EXOC6B: variants seen among roughly 807,000 people sequenced by gnomAD.
EXOC6B encodes exocyst complex component 6B, also known as SEC15 homolog B.
In EXOC6B, 54 loss-of-function variants were observed where a neutral mutation model predicts 113.5. The observed-to-expected ratio is 0.48, with a 90% CI of 0.38 to 0.60. The LOEUF (loss-of-function observed/expected upper bound fraction) is 0.60. Ranked by LOEUF, EXOC6B falls within the 20% of genes least tolerant of loss-of-function variation. The pLI is 0.00. For missense variants in EXOC6B, 797 were observed against 977.5 expected, an observed-to-expected ratio of 0.82 and a Z score of 2.46; for synonymous variants, 357 against 339.0, an observed-to-expected ratio of 1.05 and a Z score of -0.58.
chr2:72,634,899 T>C (rs1488527134), intron 6 of EXOC6B, among the ~76,000 whole-genome samples: 2 of 151,354 alleles, frequency 1.3e-5, no homozygotes, highest in South Asian at 2.1e-4. Flanking sequence ...ATAGAAATCA[T>C]AGGGTGTGAT....
chr2:72,295,940 A>G (rs1686105257), intron 20 of EXOC6B, among the ~76,000 whole-genome samples: 1 of 152,128 alleles, frequency 6.6e-6, no homozygotes, highest in African/African-American at 2.4e-5. Flanking sequence ...TTTTGTAAGG[A>G]GCGTTTCCAG....
Position 72,825,844 on chromosome 2 carries a change from G to A in EXOC6B, c.67C>T (p.Arg23Ter). 1 of 1,613,470 alleles carries A rather than the reference G, an allele frequency of 6.2e-7. No individual in the cohort carries two copies. The highest frequency in any genetic ancestry group is 8.5e-7 in the Non-Finnish European group (1 of 1,179,702). Reference sequence around the variant, plus strand: ...GCCGTGTCAGTGCTCTCGATCTCTCGCAGGATCCGCTCGTGCTCTGCCGCT... The same window carrying A: ...GCCGTGTCAGTGCTCTCGATCTCTCACAGGATCCGCTCGTGCTCTGCCGCT... ...ETAAEHERIL[R>*]EIESTDTACI... Residue 23 changes from arginine (R) to a stop codon, truncating the protein, a stop_gained, in exon 1 of 22, where the codon CGA becomes TGA. Coordinates refer to ENST00000272427, the MANE Select transcript of EXOC6B (RefSeq NM_015189.3). LOFTEE classifies it high-confidence loss of function. The surrounding 1 kb of genome is among the most constrained non-coding windows in gnomAD (Gnocchi z 4.4).
At chr2:72,652,115 C>A (rs1302479659) in intron 6 of EXOC6B, among the ~76,000 whole-genome samples, 2 of 150,690 alleles carry the variant, frequency 1.3e-5, no homozygotes. Context: ...AAAATAAAAC[C>A]ATACAGAGCC....
At chr2:72,468,432 G>A (rs1298325594) in intron 17 of EXOC6B, among the ~76,000 whole-genome samples, 1 of 151,914 alleles carries the variant, frequency 6.6e-6, no homozygotes, top group African/African-American at 2.4e-5. Flanking sequence ...GTGTGTTCTT[G>A]GCATCTTTGT....
chr2:72,307,573 G>A (rs1573228705), intron 20 of EXOC6B, among the ~76,000 whole-genome samples: 1 of 152,010 alleles, frequency 6.6e-6, no homozygotes, highest in East Asian at 1.9e-4. Context: ...ATCTACTCTT[G>A]AATGCCATTA....
intron 19 of EXOC6B, among the ~76,000 whole-genome samples, chr2:72,337,007 CAAA>C (rs56915816): frequency 6.6e-5 from 6 of 90,302 alleles, no homozygotes; most frequent in African/African-American, 9.5e-5. Context: ...AACTCAGTCT[CAAA>C]AAAAAAAAAA....
chr2:72,396,988 C>T (rs79589135), intron 18 of EXOC6B, among the ~76,000 whole-genome samples: 1 of 146,334 alleles, frequency 6.8e-6, no homozygotes, highest in Non-Finnish European at 1.5e-5. Context: ...AAAAAAAAAA[C>T]ATATTTTCAA....
intron 19 of EXOC6B, among the ~76,000 whole-genome samples, chr2:72,361,393 C>T (rs549613873): frequency 2.6e-5 from 4 of 152,084 alleles, no homozygotes; most frequent in Non-Finnish European, 5.9e-5. Context: ...TAGTGTGGAT[C>T]TGTCATATAT....
intron 6 of EXOC6B, among the ~76,000 whole-genome samples, chr2:72,576,955 A>G (rs1704908886): frequency 6.6e-6 from 1 of 152,228 alleles, no homozygotes; most frequent in South Asian, 2.1e-4. Flanking sequence ...CAGTCTCCAA[A>G]TCTTCTGCAT....
chr2:72,242,920 A>C (rs1682410537), intron 20 of EXOC6B, among the ~76,000 whole-genome samples: 1 of 152,074 alleles, frequency 6.6e-6, no homozygotes, highest in South Asian at 2.1e-4. Flanking sequence ...TTTTTTGTAG[A>C]GATGGGGTCT....
rs138513785 is a variant in EXOC6B, at chr2:72,228,004, G to C, written c.2197-43817C>G. Among the ~76,000 whole-genome samples, 5 of 152,250 alleles carry C rather than the reference G, an allele frequency of 3.3e-5. No individual in the cohort carries two copies. The East Asian group carries it at 9.7e-4, about 29-fold the overall frequency. The stretch of plus-strand genomic sequence containing the variant: ...ATGATATGAAAGGGCAAGGAATTTG[G>C]GGGAAGGTATGATTGAAGTATAGAT... On this transcript the variant is annotated intron_variant, in intron 20 of 21. Coordinates refer to ENST00000272427, the MANE Select transcript of EXOC6B (RefSeq NM_015189.3).
intron 19 of EXOC6B, among the ~76,000 whole-genome samples, chr2:72,352,114 CATA>C (rs1689683998): frequency 6.6e-6 from 1 of 152,116 alleles, no homozygotes; most frequent in African/African-American, 2.4e-5. Context: ...AACCCATTTA[CATA>C]TAACAAATTA....
chr2:72,184,838 C>A (rs1055925474), intron 20 of EXOC6B, among the ~76,000 whole-genome samples: 2 of 152,082 alleles, frequency 1.3e-5, no homozygotes, highest in Non-Finnish European at 1.5e-5. Flanking sequence ...CAGACACAGG[C>A]TAAGAAGATG....
chr2:72,603,593 G>T (rs1294956315), intron 6 of EXOC6B, among the ~76,000 whole-genome samples: 1 of 152,118 alleles, frequency 6.6e-6, no homozygotes, highest in Non-Finnish European at 1.5e-5. Flanking sequence ...AACTCATGAA[G>T]TCTCAAAGCT....
chr2:72,233,113 C>T (rs1324332499), intron 20 of EXOC6B, among the ~76,000 whole-genome samples: 2 of 151,306 alleles, frequency 1.3e-5, no homozygotes, highest in East Asian at 1.9e-4. Context: ...AACCCTAGTA[C>T]ATAAGATACC....
chr2:72,797,993 C>G (rs879399137), intron 1 of EXOC6B, among the ~76,000 whole-genome samples: 1 of 152,042 alleles, frequency 6.6e-6, no homozygotes, highest in Non-Finnish European at 1.5e-5. Context: ...AAAAATATAT[C>G]TGACATTCAG....
intron 20 of EXOC6B, among the ~76,000 whole-genome samples, chr2:72,260,572 G>GT (rs1683652698): frequency 6.6e-6 from 1 of 152,168 alleles, no homozygotes; most frequent in Non-Finnish European, 1.5e-5. Context: ...CCCTGAAAGT[G>GT]TAACGGAAAA....
intron 1 of EXOC6B, among the ~76,000 whole-genome samples, chr2:72,751,786 T>C (rs986613725): frequency 1.2e-4 from 18 of 152,080 alleles, no homozygotes; most frequent in Non-Finnish European, 1.0e-4. Flanking sequence ...GGAGCTCCAG[T>C]AAGAAATAAG....
chr2:72,672,837 T>C (rs1005589979), intron 6 of EXOC6B, among the ~76,000 whole-genome samples: 3 of 152,266 alleles, frequency 2.0e-5, no homozygotes, highest in Middle Eastern at 3.4e-3. Context: ...AGAGTACTAA[T>C]TGATACAAAC....
Sources: gnomAD v4.1 joint callset for allele counts (sites outside exome capture counted in the v4.1 genomes callset) on GRCh38, gnomAD v4.1.1 for gene constraint, Gnocchi (gnomAD v3.1) non-coding constraint, MANE v1.5 for transcripts, NCBI Gene and HGNC (gene_info 2026-07-23, HGNC 2026-07-21) for gene names.